NECAB1: variants seen among roughly 807,000 people sequenced by gnomAD.
NECAB1 encodes N-terminal EF-hand calcium-binding protein 1.
A neutral mutation model predicts 57.5 loss-of-function variants in NECAB1; 29 were observed. That is an observed-to-expected ratio of 0.50 (90% CI 0.38 to 0.69). The LOEUF (loss-of-function observed/expected upper bound fraction) is 0.69, where lower values mean the gene tolerates loss of function less well. Among genes scored for constraint, NECAB1 ranks in the 30% least tolerant of loss-of-function variants. NECAB1 has a pLI of 0.00. For synonymous variants in NECAB1, 142 were observed against 147.7 expected (o/e 0.96, Z 0.28); for missense variants, 372 against 413.8 (o/e 0.90, Z 0.88).
chr8:90,848,798 A>G (rs1434585607), intron 3 of NECAB1, among the ~76,000 whole-genome samples: 1 of 151,956 alleles, frequency 6.6e-6, no homozygotes, highest in Non-Finnish European at 1.5e-5. Flanking sequence ...TAGCTTGGCC[A>G]ACATGGTGAA....
chr8:90,917,419 TA>T, intron 5 of NECAB1, 72 bp from the exon 6 acceptor site: 1 of 1,361,412 alleles, frequency 7.3e-7, no homozygotes, highest in East Asian at 2.5e-5. Flanking sequence ...GGGTACATGG[TA>T]AAAGAAAAAA....
Position 90,846,846 on chromosome 8 carries a change from C to A in NECAB1, c.233+22021C>A, listed in dbSNP as rs985245780. Among the ~76,000 whole-genome samples, 33 of 152,212 alleles carry A rather than the reference C, an allele frequency of 2.2e-4. No homozygotes were observed. The Middle Eastern group carries it at 0.01, about 47-fold the overall frequency. On this transcript the variant is annotated intron_variant, in intron 3 of 12. Transcript: ENST00000417640. ...GAACAGCATGGGAAAAACCTGCCCC[C>A]AATGATTCAATTACCTCCCACCCTG...
chr8:90,904,500 C>T (rs957486850), intron 5 of NECAB1, among the ~76,000 whole-genome samples: 16 of 151,580 alleles, frequency 1.1e-4, no homozygotes, highest in African/African-American at 3.4e-4. Flanking sequence ...ACCAGTTTTA[C>T]GGTAGATTAA....
At chr8:90,807,791 C>G (rs974095382) in intron 2 of NECAB1, among the ~76,000 whole-genome samples, 1 of 151,622 alleles carries the variant, frequency 6.6e-6, no homozygotes, top group Non-Finnish European at 1.5e-5. Context: ...TGTTAACTCT[C>G]AGGTACATGC....
At chr8:90,943,039 A>G (rs1428454738) in intron 10 of NECAB1, among the ~76,000 whole-genome samples, 2 of 139,954 alleles carry the variant, frequency 1.4e-5, no homozygotes, top group African/African-American at 6.5e-5. Context: ...CATGTTTTAT[A>G]TTTATAAAAA....
intron 5 of NECAB1, among the ~76,000 whole-genome samples, chr8:90,896,641 C>A (rs191678817): frequency 2.2e-4 from 29 of 134,494 alleles, no homozygotes; most frequent in Admixed American, 6.3e-4. Flanking sequence ...ACAAAAAAAA[C>A]AAACAAACTA....
Position 90,791,842 on chromosome 8 carries a change from GTCCGCCTAGCCCCGC to G in NECAB1, c.-37_-23del. On this transcript the variant is annotated 5_prime_UTR_variant, in exon 1 of 13. Coordinates refer to ENST00000417640, the MANE Select transcript of NECAB1 (RefSeq NM_022351.5). Reference sequence around the variant, plus strand: ...GCCGCGCCCTTGCCAGAGCCGGTGCGTCCGCCTAGCCCCGCTCCGCCTGAGGCCGTCAGGGCTCCC... The same window carrying G: ...GCCGCGCCCTTGCCAGAGCCGGTGCGTCCGCCTGAGGCCGTCAGGGCTCCC... 6.7e-7 allele frequency: 1 copy of G among 1,485,998 alleles called. No homozygotes were observed. Among genetic ancestry groups the G allele is most frequent in the Non-Finnish European group, 9.1e-7 (1 of 1,094,974 alleles). The allele number at this position is 1,485,998 out of a possible 1,614,324, so 92.1% of individuals were successfully genotyped here.
chr8:90,945,215 G>A (rs190507975), intron 10 of NECAB1, among the ~76,000 whole-genome samples: 152 of 152,102 alleles, frequency 1.0e-3, no homozygotes, highest in African/African-American at 3.4e-3. Context: ...CTATAGGTGC[G>A]TGCTGCCACA....
At chr8:90,797,710 T>TA (rs1319852693) in intron 1 of NECAB1, among the ~76,000 whole-genome samples, 1 of 152,210 alleles carries the variant, frequency 6.6e-6, no homozygotes, top group African/African-American at 2.4e-5. Context: ...TTAGCATATC[T>TA]ATCAGGGTTA....
intron 5 of NECAB1, among the ~76,000 whole-genome samples, chr8:90,896,239 T>C (rs1809326825): frequency 6.6e-6 from 1 of 152,112 alleles, no homozygotes; most frequent in South Asian, 2.1e-4. Flanking sequence ...GTTTAAAAAG[T>C]TTGAAAAGAA....
intron 5 of NECAB1, among the ~76,000 whole-genome samples, chr8:90,881,361 C>G (rs868698500): frequency 5.9e-5 from 9 of 152,174 alleles, no homozygotes; most frequent in South Asian, 2.1e-4. Context: ...TAGAATAGCT[C>G]TCAGCCTGGT....
At chr8:90,794,716 T>A (rs949710102) in intron 1 of NECAB1, among the ~76,000 whole-genome samples, 1 of 152,200 alleles carries the variant, frequency 6.6e-6, no homozygotes, top group Admixed American at 6.5e-5. Context: ...GTTGTGAGTA[T>A]GAAATAAGGG....
chr8:90,865,047 G>A (rs1702917114), intron 3 of NECAB1, among the ~76,000 whole-genome samples: 1 of 152,110 alleles, frequency 6.6e-6, no homozygotes, highest in Non-Finnish European at 1.5e-5. Flanking sequence ...TTAAGGGCAA[G>A]TTCCCCAGTG....
intron 2 of NECAB1, 62 bp downstream of exon 2, chr8:90,801,777 A>G: frequency 9.0e-7 from 1 of 1,116,448 alleles, no homozygotes; most frequent in South Asian, 1.6e-5. Flanking sequence ...TACCTTATAA[A>G]TAATAATCAG....
intron 10 of NECAB1, among the ~76,000 whole-genome samples, chr8:90,945,995 C>T (rs867310469): frequency 8.5e-5 from 13 of 152,162 alleles, no homozygotes; most frequent in Non-Finnish European, 1.3e-4. Context: ...TACAAATAAT[C>T]GAAAGCTAAT....
At chr8:90,822,495 G>C (rs1412475449) in intron 2 of NECAB1, among the ~76,000 whole-genome samples, 1 of 151,810 alleles carries the variant, frequency 6.6e-6, no homozygotes, top group Non-Finnish European at 1.5e-5. Flanking sequence ...AAGACTATAA[G>C]CTAATGCTTC....
At chr8:90,799,371 A>G (rs1427528914) in intron 1 of NECAB1, among the ~76,000 whole-genome samples, 1 of 151,924 alleles carries the variant, frequency 6.6e-6, no homozygotes, top group African/African-American at 2.4e-5. Flanking sequence ...CTTTTTTCTC[A>G]AGGCCAATTT....
chr8:90,875,784 G>C (rs920355043), intron 4 of NECAB1, among the ~76,000 whole-genome samples: 2 of 150,314 alleles, frequency 1.3e-5, no homozygotes, highest in African/African-American at 2.5e-5. Flanking sequence ...AGGCTGAGGC[G>C]GGTGGATCAC....
intron 3 of NECAB1, among the ~76,000 whole-genome samples, chr8:90,846,861 C>T (rs1215158448): frequency 6.6e-6 from 1 of 152,098 alleles, no homozygotes; most frequent in Non-Finnish European, 1.5e-5. Context: ...ATTCAATTAC[C>T]TCCCACCCTG....
Sources: gnomAD v4.1 joint callset for allele counts (sites outside exome capture counted in the v4.1 genomes callset) on GRCh38, gnomAD v4.1.1 for gene constraint, MANE v1.5 for transcripts, NCBI Gene and HGNC (gene_info 2026-07-23, HGNC 2026-07-21) for gene names.